WDFY4: variants seen among roughly 807,000 people sequenced by gnomAD.
WDFY4 encodes WDFY family member 4.
Under a neutral mutation model 351.9 loss-of-function variants are expected in WDFY4, and 169 were observed. The ratio of observed to expected loss-of-function variants is 0.48; its 90% CI spans 0.42 to 0.55. The LOEUF is 0.55. Among genes scored for constraint, WDFY4 ranks in the 20% least tolerant of loss-of-function variants. The probability of loss-of-function intolerance (pLI) is 0.00; values close to 1 mark genes in which losing one functional copy is unlikely to be tolerated. For synonymous variants in WDFY4, 1,622 were observed against 1,574.6 expected (o/e 1.03, Z -0.71); for missense variants, 3,803 against 3,935.6 (o/e 0.97, Z 0.90).
At chr10:48,927,737 T>G (rs550389627) in intron 47 of WDFY4, among the ~76,000 whole-genome samples, 3 of 152,350 alleles carry the variant, frequency 2.0e-5, no homozygotes, top group African/African-American at 7.2e-5. Context: ...AATTCAACTT[T>G]TATTTGGAGC....
Position 48,876,682 on chromosome 10 carries a change from A to G in WDFY4, c.7001-351A>G, listed in dbSNP as rs561297548. Among the ~76,000 whole-genome samples the G allele has an allele frequency of 3.9e-5, 6 of 152,366 alleles. No homozygotes were observed. In the East Asian group the frequency reaches 1.2e-3, roughly 29 times the overall value. ...TCAAAGAGTGAATGAAGTGAAATTC[A>G]GAGAAAGCAAATCCTAGCTGGGCCT... On this transcript the variant is annotated intron_variant, in intron 42 of 61. Transcript: ENST00000325239.
intron 19 of WDFY4, among the ~76,000 whole-genome samples, chr10:48,780,324 T>C (rs1013926866): frequency 1.3e-5 from 2 of 152,240 alleles, no homozygotes; most frequent in African/African-American, 2.4e-5. Flanking sequence ...AGAAAATGCA[T>C]TGAAGGTCAC....
At chr10:48,726,286 C>T (rs574370068) in intron 6 of WDFY4, among the ~76,000 whole-genome samples, 1 of 152,212 alleles carries the variant, frequency 6.6e-6, no homozygotes, top group Admixed American at 6.5e-5. Context: ...TTTTCTTGTT[C>T]ATTTTGCTGC....
intron 39 of WDFY4, among the ~76,000 whole-genome samples, chr10:48,836,691 CT>C (rs1263901623): frequency 6.6e-6 from 1 of 152,234 alleles, no homozygotes; most frequent in East Asian, 1.9e-4. Context: ...TCTTCTCCCC[CT>C]GACCCCATCA....
chr10:48,850,807 C>T (rs1225836492), intron 39 of WDFY4, among the ~76,000 whole-genome samples: 1 of 152,184 alleles, frequency 6.6e-6, no homozygotes, highest in Admixed American at 6.5e-5. Flanking sequence ...AGACTGCTGT[C>T]AAGCTTCTGC....
chr10:48,736,381 A>C, intron 11 of WDFY4: 2 of 573,948 alleles, frequency 3.5e-6, no homozygotes, highest in Non-Finnish European at 3.1e-6. Flanking sequence ...TGCATAAGGC[A>C]TTTTCATTCA....
intron 12 of WDFY4, among the ~76,000 whole-genome samples, chr10:48,750,457 C>T (rs1421631331): frequency 6.6e-6 from 1 of 152,192 alleles, no homozygotes; most frequent in African/African-American, 2.4e-5. Flanking sequence ...GATGCCTTTC[C>T]TGTCTTCACT....
intron 13 of WDFY4, among the ~76,000 whole-genome samples, chr10:48,772,041 A>C (rs953924614): frequency 1.3e-5 from 2 of 152,164 alleles, no homozygotes; most frequent in Admixed American, 1.3e-4. Context: ...TCCTTTCTTG[A>C]AACTACAAAC....
chr10:48,822,473 A>G lies in WDFY4; in HGVS notation c.5918A>G (p.Tyr1973Cys). The G allele has an allele frequency of 1.3e-6, 2 of 1,551,108 alleles. No individual in the cohort carries two copies. The highest frequency in any genetic ancestry group is 4.9e-5 in the East Asian group (2 of 40,906). Residue 1973 changes from tyrosine to cysteine, a missense_variant, in exon 35 of 62, where the codon TAC becomes TGC. By Grantham distance (194) the Tyr-to-Cys change is radical. Coordinates refer to ENST00000325239, the MANE Select transcript of WDFY4 (RefSeq NM_001394531.1). ...CFTQKLVEKL[Y>C]SGMFSADPRH... The stretch of plus-strand genomic sequence containing the variant: ...ACCCAGAAGCTGGTGGAGAAGCTGT[A>G]CAGTGGGATGTTCTCGGCAGACCCC...
At chr10:48,927,582 T>C (rs1413083661) in intron 47 of WDFY4, among the ~76,000 whole-genome samples, 1 of 152,246 alleles carries the variant, frequency 6.6e-6, no homozygotes, top group Non-Finnish European at 1.5e-5. Context: ...TCTAAGTGTC[T>C]TACTGGGATA....
intron 17 of WDFY4, 145 bp downstream of exon 17, chr10:48,777,640 T>C: frequency 1.2e-6 from 1 of 801,530 alleles, no homozygotes; most frequent in Non-Finnish European, 2.0e-6. Context: ...AATACTGCAA[T>C]TTGGGAGGCC....
At chr10:48,720,704 A>G (rs2064055864) in intron 3 of WDFY4, among the ~76,000 whole-genome samples, 1 of 151,982 alleles carries the variant, frequency 6.6e-6, no homozygotes, top group Admixed American at 6.6e-5. Flanking sequence ...AAGTGCTAGG[A>G]TTGAAGATGC....
At chr10:48,766,250 C>T (rs2065666828) in intron 13 of WDFY4, among the ~76,000 whole-genome samples, 1 of 152,196 alleles carries the variant, frequency 6.6e-6, no homozygotes, top group African/African-American at 2.4e-5. Context: ...TGGAAAATCT[C>T]AGGTTCTGGT....
At chr10:48,901,264 T>G (rs964054096) in intron 46 of WDFY4, among the ~76,000 whole-genome samples, 10 of 152,268 alleles carry the variant, frequency 6.6e-5, no homozygotes, top group Admixed American at 1.3e-4. Flanking sequence ...AGGCCTAGTT[T>G]AGACCAAACC....
chr10:48,913,508 G>A (rs145432675), intron 47 of WDFY4: 431 of 1,613,880 alleles, frequency 2.7e-4, no homozygotes, highest in Admixed American at 8.7e-4. Flanking sequence ...TGTCCCGGGC[G>A]TTTTGGCATT....
At chr10:48,858,313 T>C (rs1352898225) in intron 39 of WDFY4, among the ~76,000 whole-genome samples, 1 of 152,218 alleles carries the variant, frequency 6.6e-6, no homozygotes, top group African/African-American at 2.4e-5. Context: ...TATCCCTAGA[T>C]ATGAAAGATT....
At chr10:48,822,673 CT>C in intron 35 of WDFY4, 136 bp downstream of exon 35, 1 of 1,165,142 alleles carries the variant, frequency 8.6e-7, no homozygotes, top group Non-Finnish European at 1.1e-6. Context: ...GCAGGAGGCC[CT>C]TTAGTCCCAG....
intron 57 of WDFY4, 143 bp from the exon 58 acceptor site, chr10:48,974,719 A>G: frequency 1.2e-6 from 1 of 843,640 alleles, no homozygotes; most frequent in Non-Finnish European, 1.8e-6. Flanking sequence ...CCCCAGCTGC[A>G]CAGACAACAG....
At chr10:48,828,755 G>C in intron 36 of WDFY4, 23 bp from the exon 37 acceptor site, 3 of 1,401,402 alleles carry the variant, frequency 2.1e-6, no homozygotes, top group Non-Finnish European at 2.9e-6. Context: ...TTGGATTTTA[G>C]TGAAAAATCT....
Sources: gnomAD v4.1 joint callset for allele counts (sites outside exome capture counted in the v4.1 genomes callset) on GRCh38, gnomAD v4.1.1 for gene constraint, MANE v1.5 for transcripts, NCBI Gene and HGNC (gene_info 2026-07-23, HGNC 2026-07-21) for gene names.